The following NEBL variants were observed in gnomAD, a reference collection of about 807,000 sequenced individuals.
NEBL encodes the protein LIM and SH3 protein 2.
In NEBL, 122 loss-of-function variants were observed where a neutral mutation model predicts 140.2. The ratio of observed to expected loss-of-function variants is 0.87; its 90% CI spans 0.75 to 1.01. The LOEUF is 1.01. NEBL is among the 50% of genes least tolerant of loss of function. The probability of loss-of-function intolerance (pLI) is 0.00; values close to 1 mark genes in which losing one functional copy is unlikely to be tolerated. For synonymous variants in NEBL, 436 were observed against 398.9 expected (o/e 1.09, Z -1.11); for missense variants, 1,365 against 1,231.3 (o/e 1.11, Z -1.62).
At chr10:21,065,254 A>G (rs1181187629) in intron 2 of NEBL, among the ~76,000 whole-genome samples, 1 of 152,230 alleles carries the variant, frequency 6.6e-6, no homozygotes, top group African/African-American at 2.4e-5. Flanking sequence ...TTTGTATTTA[A>G]GTCATGAGCT....
In NEBL at chr10:20,816,270, T is replaced by C. The variant is rs551140136; in HGVS notation, c.2149-553A>G. Among the ~76,000 whole-genome samples the C allele has an allele frequency of 2.0e-5, 3 of 152,316 alleles. No individual in the cohort carries two copies. In the East Asian group the frequency reaches 5.8e-4, roughly 29 times the overall value. On this transcript the variant is annotated intron_variant, in intron 21 of 27. Transcript: ENST00000377122. ...CCATCCGTAAAGCTGTAATAAATAT[T>C]TAACCACAAAAGGAAATGAGAATAA... is the stretch of plus-strand genomic sequence containing the variant.
chr10:21,100,643 T>C (rs1282766123), intron 2 of NEBL, among the ~76,000 whole-genome samples: 2 of 152,206 alleles, frequency 1.3e-5, no homozygotes, highest in African/African-American at 2.4e-5. Context: ...ATTTCTAATT[T>C]TCTCCAAAAG....
At chr10:21,066,055 T>A (rs1200477315) in intron 2 of NEBL, among the ~76,000 whole-genome samples, 1 of 152,218 alleles carries the variant, frequency 6.6e-6, no homozygotes, top group Non-Finnish European at 1.5e-5. Flanking sequence ...CAACTCAGCA[T>A]CCATCAGTCT....
chr10:20,957,038 T>G (rs1835839467), intron 4 of NEBL, among the ~76,000 whole-genome samples: 2 of 152,208 alleles, frequency 1.3e-5, no homozygotes, highest in South Asian at 4.1e-4. Flanking sequence ...TCTGTCAAAA[T>G]GATTTATTTA....
intron 4 of NEBL, among the ~76,000 whole-genome samples, chr10:20,881,575 A>C (rs999766840): frequency 6.6e-6 from 1 of 152,172 alleles, no homozygotes; most frequent in Non-Finnish European, 1.5e-5. Flanking sequence ...ACAGCAACCA[A>C]GTTATCCCCT....
chr10:21,107,201 C>T (rs1166130607), intron 2 of NEBL, among the ~76,000 whole-genome samples: 1 of 152,166 alleles, frequency 6.6e-6, no homozygotes, highest in East Asian at 1.9e-4. Context: ...TTGCCCTAAC[C>T]AGAATTTCCA....
intron 2 of NEBL, among the ~76,000 whole-genome samples, chr10:20,890,353 T>C (rs1846926701): frequency 6.6e-6 from 1 of 152,092 alleles, no homozygotes; most frequent in South Asian, 2.1e-4. Context: ...TACCTCAAGG[T>C]AGAAAATAAG....
chr10:21,241,342 G>C (rs1564548441), intron 3 of NEBL, among the ~76,000 whole-genome samples: 2 of 152,000 alleles, frequency 1.3e-5, no homozygotes. Context: ...CCACCAGGGG[G>C]CCGCCTGCGG....
intron 4 of NEBL, among the ~76,000 whole-genome samples, chr10:20,934,465 G>A (rs1399603808): frequency 6.6e-6 from 1 of 152,164 alleles, no homozygotes; most frequent in Non-Finnish European, 1.5e-5. Flanking sequence ...ACAGTGAAGT[G>A]AGTCCGCAAA....
chr10:20,988,447 A>G (rs918558915), intron 3 of NEBL, among the ~76,000 whole-genome samples: 7 of 152,132 alleles, frequency 4.6e-5, no homozygotes, highest in African/African-American at 1.7e-4. Flanking sequence ...AAATTGACCA[A>G]CCCTCTGCCT....
intron 7 of NEBL, among the ~76,000 whole-genome samples, chr10:20,862,625 A>G (rs1202225529): frequency 6.6e-6 from 1 of 152,200 alleles, no homozygotes; most frequent in African/African-American, 2.4e-5. Flanking sequence ...AGATCCAGGA[A>G]ATGCTTTTCC....
chr10:20,821,410 A>C (rs1378817310), intron 19 of NEBL, among the ~76,000 whole-genome samples: 2 of 152,200 alleles, frequency 1.3e-5, no homozygotes, highest in Non-Finnish European at 2.9e-5. Flanking sequence ...TCCAGGGTTC[A>C]TGTTCTTTTC....
At chr10:20,831,066 TTCTTAG>T (rs1271080510) in intron 16 of NEBL, 124 bp downstream of exon 16, 5 of 744,194 alleles carry the variant, frequency 6.7e-6, no homozygotes, top group Non-Finnish European at 1.2e-5. Context: ...GGCCAATGGT[TTCTTAG>T]TGAAAGAGTA....
chr10:21,159,915 C>A (rs1840485917), intron 2 of NEBL, among the ~76,000 whole-genome samples: 1 of 152,210 alleles, frequency 6.6e-6, no homozygotes, highest in African/African-American at 2.4e-5. Flanking sequence ...CATAAATATT[C>A]CCCTGCTGGT....
At chr10:20,890,253 T>C (rs2103287) in intron 2 of NEBL, among the ~76,000 whole-genome samples, 20 of 152,318 alleles carry the variant, frequency 1.3e-4, no homozygotes, top group Admixed American at 9.2e-4. Context: ...TTAGCAAGCA[T>C]GTGCCATCTC....
rs954527207 is a variant in NEBL at position 20,865,882 on chromosome 10, C to G, written c.684+2782G>C. ...CAGTTGTGTCCACTTCATTTTCATT[C>G]CTACTGTCACAGAGTCTATTCAGGT... On this transcript the variant is annotated intron_variant, in intron 7 of 27. Coordinates refer to ENST00000377122, the MANE Select transcript of NEBL (RefSeq NM_006393.3). Among the ~76,000 whole-genome samples the G allele has an allele frequency of 2.6e-5, 4 of 152,126 alleles. No homozygotes were observed. The South Asian group carries it at 8.3e-4, about 31-fold the overall frequency.
chr10:20,863,238 A>T (rs1843912840), intron 7 of NEBL, among the ~76,000 whole-genome samples: 1 of 152,198 alleles, frequency 6.6e-6, no homozygotes, highest in African/African-American at 2.4e-5. Flanking sequence ...GTATGTGTGA[A>T]GTCTAACACG....
chr10:20,916,886 A>G (rs1029279536), intron 4 of NEBL, among the ~76,000 whole-genome samples: 13 of 152,336 alleles, frequency 8.5e-5, no homozygotes, highest in African/African-American at 2.6e-4. Flanking sequence ...TGACATGGGG[A>G]AAAAAGTTAG....
At chr10:21,130,928 A>C (rs1208141669) in intron 2 of NEBL, among the ~76,000 whole-genome samples, 2 of 152,052 alleles carry the variant, frequency 1.3e-5, no homozygotes, top group Non-Finnish European at 2.9e-5. Flanking sequence ...GGGACTCCAT[A>C]CAGAAAAAAA....
Sources: allele counts gnomAD v4.1 joint callset (sites outside exome capture counted in the v4.1 genomes callset), GRCh38; gene constraint gnomAD v4.1.1; transcripts MANE v1.5; gene names NCBI Gene and HGNC (gene_info 2026-07-23, HGNC 2026-07-21).